Variants in QTMAN observed in about 807,000 individuals in gnomAD.
QTMAN encodes tRNA-queuosine alpha-mannosyltransferase.
chr2:143,947,421 C>A, the QTMAN span, among the ~76,000 whole-genome samples: 1 of 152,048 alleles, frequency 6.6e-6, no homozygotes, highest in Non-Finnish European at 1.5e-5. Flanking sequence ...TGAATGACAA[C>A]CATTCATAGT....
At chr2:144,132,656 T>C in the QTMAN span, among the ~76,000 whole-genome samples, 2 of 152,042 alleles carry the variant, frequency 1.3e-5, no homozygotes, top group Non-Finnish European at 2.9e-5. Context: ...AGACAGTCTC[T>C]ATCTTTTTAT....
At chr2:144,136,615 T>C in the QTMAN span, among the ~76,000 whole-genome samples, 1 of 152,064 alleles carries the variant, frequency 6.6e-6, no homozygotes, top group Non-Finnish European at 1.5e-5. Context: ...TTTATGACAA[T>C]TACATGACCT....
chr2:143,984,041 A>T, the QTMAN span, among the ~76,000 whole-genome samples: 3 of 152,168 alleles, frequency 2.0e-5, no homozygotes, highest in Admixed American at 6.5e-5. Context: ...CCCTCATATT[A>T]ATCATCAATA....
the QTMAN span, among the ~76,000 whole-genome samples, chr2:144,249,409 G>A: frequency 1.3e-5 from 2 of 152,114 alleles, no homozygotes; most frequent in African/African-American, 4.8e-5. Context: ...TGTGTAAGAG[G>A]AGTCACAGAG....
chr2:144,213,597 G>A, the QTMAN span, among the ~76,000 whole-genome samples: 4 of 152,138 alleles, frequency 2.6e-5, no homozygotes, highest in Non-Finnish European at 4.4e-5. Flanking sequence ...GTTAGTTGTA[G>A]GAAGGTATAG....
the QTMAN span, among the ~76,000 whole-genome samples, chr2:144,187,161 T>G: frequency 1.3e-5 from 2 of 152,218 alleles, no homozygotes; most frequent in East Asian, 3.8e-4. Flanking sequence ...TCTTGTCTGT[T>G]TTTTGTTGCT....
At chr2:144,158,266 C>A in the QTMAN span, among the ~76,000 whole-genome samples, 1 of 151,940 alleles carries the variant, frequency 6.6e-6, no homozygotes, top group African/African-American at 2.4e-5. Context: ...AAGACTGTCA[C>A]AAAACCTGAG....
the QTMAN span, among the ~76,000 whole-genome samples, chr2:144,123,520 GT>G: frequency 6.6e-6 from 1 of 152,050 alleles, no homozygotes; most frequent in Non-Finnish European, 1.5e-5. Context: ...AATAAAGTTT[GT>G]TTTTTCCACA....
At chr2:144,034,223 T>C in the QTMAN span, among the ~76,000 whole-genome samples, 5 of 152,216 alleles carry the variant, frequency 3.3e-5, no homozygotes, top group Non-Finnish European at 5.9e-5. Flanking sequence ...TTTAGATCTC[T>C]AGGTTAGAAC....
the QTMAN span, among the ~76,000 whole-genome samples, chr2:144,012,005 C>T: frequency 6.6e-6 from 1 of 152,130 alleles, no homozygotes; most frequent in Non-Finnish European, 1.5e-5. Flanking sequence ...TCCATCAGAA[C>T]CTATTTCTAA....
the QTMAN span, among the ~76,000 whole-genome samples, chr2:144,162,835 G>T: frequency 6.6e-6 from 1 of 152,278 alleles, no homozygotes; most frequent in East Asian, 1.9e-4. Flanking sequence ...AGCTGACTCA[G>T]GTAAGAATGG....
chr2:144,019,060 T>C, the QTMAN span, among the ~76,000 whole-genome samples: 17 of 151,862 alleles, frequency 1.1e-4, no homozygotes, highest in Non-Finnish European at 1.9e-4. Context: ...TGGGCAGAGA[T>C]AGATGGGAAG....
At chr2:143,994,312 T>C in the QTMAN span, among the ~76,000 whole-genome samples, 1 of 152,182 alleles carries the variant, frequency 6.6e-6, no homozygotes, top group Admixed American at 6.5e-5. Context: ...TAGTAGGTAT[T>C]TAAAATGTGA....
the QTMAN span, among the ~76,000 whole-genome samples, chr2:144,041,013 G>GTTCA: frequency 1.3e-5 from 2 of 152,072 alleles, no homozygotes; most frequent in Non-Finnish European, 2.9e-5. Context: ...TTGTCAAATA[G>GTTCA]TTCATTCATT....
the QTMAN span, among the ~76,000 whole-genome samples, chr2:144,293,124 T>C: frequency 6.6e-6 from 1 of 152,198 alleles, no homozygotes; most frequent in African/African-American, 2.4e-5. Flanking sequence ...AATAGTCGAC[T>C]CTAGTATTCA....
the QTMAN span, among the ~76,000 whole-genome samples, chr2:144,067,472 G>C: frequency 6.6e-6 from 1 of 152,178 alleles, no homozygotes; most frequent in Admixed American, 6.5e-5. Flanking sequence ...TAAGAAATTT[G>C]ATGGTTATGC....
At chr2:144,304,155 T>A in the QTMAN span, among the ~76,000 whole-genome samples, 1 of 152,150 alleles carries the variant, frequency 6.6e-6, no homozygotes, top group Non-Finnish European at 1.5e-5. Context: ...AGATTTGGAA[T>A]AGAAGAGTAG....
At chr2:144,112,528 C>T in the QTMAN span, among the ~76,000 whole-genome samples, 9 of 152,254 alleles carry the variant, frequency 5.9e-5, no homozygotes, top group African/African-American at 2.2e-4. Context: ...TCTCTCTAGC[C>T]AAAGGACAAG....
chr2:144,165,435 T>C, the QTMAN span, among the ~76,000 whole-genome samples: 3 of 152,038 alleles, frequency 2.0e-5, no homozygotes, highest in Non-Finnish European at 2.9e-5. Flanking sequence ...GCAGAGTTCA[T>C]TTCAAATTTT....
Sources: allele counts gnomAD v4.1 joint callset (sites outside exome capture counted in the v4.1 genomes callset), GRCh38; gene constraint gnomAD v4.1.1; transcripts MANE v1.5; gene names NCBI Gene and HGNC (gene_info 2026-07-23, HGNC 2026-07-21).